Variants in FAM184B observed in about 807,000 individuals in gnomAD.
The protein encoded by FAM184B is protein FAM184B.
In FAM184B, 111 loss-of-function variants were observed where a neutral mutation model predicts 135.9. The observed-to-expected ratio is 0.82, with a 90% confidence interval of 0.70 to 0.96. The LOEUF is 0.96. Among genes scored for constraint, FAM184B ranks in the 40% least tolerant of loss-of-function variants. The probability of loss-of-function intolerance (pLI) is 0.00; values close to 1 mark genes in which losing one functional copy is unlikely to be tolerated. For synonymous variants in FAM184B, 552 were observed against 524.8 expected (o/e 1.05, Z -0.71); for missense variants, 1,375 against 1,323.9 (o/e 1.04, Z -0.60).
intron 1 of FAM184B, among the ~76,000 whole-genome samples, chr4:17,745,961 A>G (rs1718149763): frequency 6.6e-6 from 1 of 152,128 alleles, no homozygotes; most frequent in South Asian, 2.1e-4. Context: ...ACTACAAAGA[A>G]CTTTTTTTAA....
Position 17,636,529 on chromosome 4 carries a change from G to A in FAM184B, c.2783C>T (p.Thr928Met), listed in dbSNP as rs1208696381. ...KEREDIIKQL[T>M]EERRFHYAAF... ...TGAGGCGCCCCCTGACAGCCTCACCGTGAGCTGCTTGATGATGTCCTCTCT... is the reference window on the plus strand; with the variant it reads ...TGAGGCGCCCCCTGACAGCCTCACCATGAGCTGCTTGATGATGTCCTCTCT... The change falls in exon 15 of 18, where the codon ACG becomes ATG. Residue 928 changes from threonine (T) to methionine (M), a missense_variant and splice_region_variant. Physicochemically the swap from Thr to Met is moderately conservative, Grantham distance 81. Transcript: ENST00000265018. The A allele has an allele frequency of 9.7e-6, 15 of 1,549,888 alleles. No individual in the cohort carries two copies. The African/African-American group carries it at 1.4e-4, about 14-fold the overall frequency.
At position 17,641,991 on chromosome 4, in the gene FAM184B, G is replaced by A. The variant is rs998784036; in HGVS notation, c.2519+65C>T. ...CTCAGGCTCAGCCAGCCGCAGTAGG[G>A]GGAGGGGGGGTGGCGGGGTAGGGGG... On this transcript the variant is annotated intron_variant, in intron 13 of 17. Coordinates refer to ENST00000265018, the MANE Select transcript of FAM184B (RefSeq NM_015688.2). The A allele has an allele frequency of 2.1e-4, 307 of 1,472,770 alleles. 1 individual carries two copies. Among genetic ancestry groups the A allele is most frequent in the Admixed American group, 6.9e-5 (3 of 43,648 alleles). 91.2% of individuals were successfully genotyped at this position (1,472,770 alleles called of 1,614,324 possible).
At chr4:17,694,262 G>A (rs893840558) in intron 5 of FAM184B, among the ~76,000 whole-genome samples, 5 of 152,198 alleles carry the variant, frequency 3.3e-5, no homozygotes, top group Non-Finnish European at 5.9e-5. Context: ...GGTGGCTGAC[G>A]CCTGTAATCC....
At chr4:17,638,540 G>A (rs540189995) in intron 14 of FAM184B, among the ~76,000 whole-genome samples, 5 of 152,258 alleles carry the variant, frequency 3.3e-5, no homozygotes, top group African/African-American at 1.2e-4. Context: ...AGCAGAATTT[G>A]TGAGCCTATG....
At chr4:17,638,467 G>T (rs555676762) in intron 14 of FAM184B, among the ~76,000 whole-genome samples, 1 of 151,912 alleles carries the variant, frequency 6.6e-6, no homozygotes, top group Non-Finnish European at 1.5e-5. Context: ...CATGCAAAGT[G>T]CTAGGATTAC....
chr4:17,721,241 A>G (rs1365572490), intron 1 of FAM184B, among the ~76,000 whole-genome samples: 6 of 151,860 alleles, frequency 4.0e-5, no homozygotes, highest in Non-Finnish European at 1.5e-5. Context: ...AAAATTAGCC[A>G]GGCGTAGTGG....
chr4:17,759,052 C>T (rs554546997), intron 1 of FAM184B, among the ~76,000 whole-genome samples: 3 of 152,214 alleles, frequency 2.0e-5, no homozygotes, highest in South Asian at 4.2e-4. Flanking sequence ...GTTGGCTTGG[C>T]GATCCTGTCC....
intron 1 of FAM184B, among the ~76,000 whole-genome samples, chr4:17,776,594 G>T (rs1200042058): frequency 6.6e-6 from 1 of 152,164 alleles, no homozygotes; most frequent in Non-Finnish European, 1.5e-5. Flanking sequence ...GTTTCTCCAT[G>T]TTGGTCAGGC....
chr4:17,670,688 A>T (rs1716151602), intron 7 of FAM184B, among the ~76,000 whole-genome samples: 4 of 152,258 alleles, frequency 2.6e-5, no homozygotes, highest in Non-Finnish European at 5.9e-5. Flanking sequence ...ATATGGCTCT[A>T]TGAAGTAGCC....
chr4:17,687,460 G>C (rs1013220682), intron 7 of FAM184B, among the ~76,000 whole-genome samples: 1 of 152,178 alleles, frequency 6.6e-6, no homozygotes, highest in African/African-American at 2.4e-5. Flanking sequence ...TTCACTGAGT[G>C]CCTATCTTGT....
chr4:17,760,211 A>G (rs1470875885), intron 1 of FAM184B, among the ~76,000 whole-genome samples: 1 of 152,186 alleles, frequency 6.6e-6, no homozygotes, highest in Admixed American at 6.5e-5. Context: ...CACGCCTGTA[A>G]TCTCAGCACT....
intron 1 of FAM184B, among the ~76,000 whole-genome samples, chr4:17,751,867 A>ACACACACACACAC (rs1491120270): frequency 1.2e-3 from 184 of 149,418 alleles, no homozygotes; most frequent in Non-Finnish European, 1.7e-3. Context: ...ACACACACAC[A>ACACACACACACAC]AAAGAACCAG....
intron 1 of FAM184B, among the ~76,000 whole-genome samples, chr4:17,735,764 T>C (rs1278597268): frequency 1.3e-5 from 2 of 152,182 alleles, no homozygotes; most frequent in Non-Finnish European, 2.9e-5. Flanking sequence ...AGGAACGCCA[T>C]GCTCAATCAC....
At position 17,705,173 on chromosome 4, in the gene FAM184B, T is replaced by C; in HGVS notation, c.1204A>G (p.Met402Val). 6.4e-7 allele frequency: 1 copy of C among 1,551,880 alleles called. No homozygotes were observed. Among genetic ancestry groups the C allele is most frequent in the Non-Finnish European group, 8.7e-7 (1 of 1,147,030 alleles). ...KKEASAETEY[M>V]KQQYEEDLRK... The stretch of plus-strand genomic sequence containing the variant: ...AGGTCTTCTTCATATTGTTGCTTCA[T>C]ATATTCTGTCTCAGCACTTGCCTCT... Residue 402 changes from methionine (M) to valine (V), a missense_variant, in exon 5 of 18, where the codon ATG (methionine) becomes GTG (valine). Coordinates refer to ENST00000265018, the MANE Select transcript of FAM184B (RefSeq NM_015688.2).
Position 17,781,420 on chromosome 4 carries a change from G to T in FAM184B, c.-121C>A. ...TCGGGAGAGGTGGCACTGCAGTCCCGTCGCCTGCACCGCCGCGTGGCCCCA... is the reference window on the plus strand; with the variant it reads ...TCGGGAGAGGTGGCACTGCAGTCCCTTCGCCTGCACCGCCGCGTGGCCCCA... On this transcript the variant is annotated 5_prime_UTR_variant, in exon 1 of 18. Transcript: ENST00000265018. This position sits in a 1 kb window ranked among gnomAD's most constrained non-coding sequence, Gnocchi z 6.5. 1 of 1,225,594 alleles carries T rather than the reference G, an allele frequency of 8.2e-7. No individual in the cohort carries two copies. Among genetic ancestry groups the T allele is most frequent in the Non-Finnish European group, 1.1e-6 (1 of 939,262 alleles). 75.9% of individuals were successfully genotyped at this position (1,225,594 alleles called of 1,614,324 possible).
At chr4:17,713,687 G>T (rs1417312462) in intron 1 of FAM184B, among the ~76,000 whole-genome samples, 1 of 151,948 alleles carries the variant, frequency 6.6e-6, no homozygotes, top group Non-Finnish European at 1.5e-5. Context: ...CATATAAGAA[G>T]GTTTGAGTAA....
At chr4:17,635,422 C>CA (rs1715094319) in intron 15 of FAM184B, among the ~76,000 whole-genome samples, 1 of 152,140 alleles carries the variant, frequency 6.6e-6, no homozygotes, top group Non-Finnish European at 1.5e-5. Flanking sequence ...AGAAAACCCC[C>CA]AGGTATGCAA....
chr4:17,665,898 GC>G (rs139901488), intron 7 of FAM184B, among the ~76,000 whole-genome samples: 144 of 150,042 alleles, frequency 9.6e-4, no homozygotes, highest in African/African-American at 3.3e-3. Flanking sequence ...TCCTCCCCCC[GC>G]CCCCCAGTTG....
rs989102315 is a variant in FAM184B at position 17,658,407 on chromosome 4, C to T, written c.1980G>A (p.Glu660=). 2 of 1,551,648 alleles carry T rather than the reference C, an allele frequency of 1.3e-6. No individual in the cohort carries two copies. The highest frequency in any genetic ancestry group is 1.7e-6 in the Non-Finnish European group (2 of 1,147,004). Residue 660 remains glutamate (E), a synonymous_variant, in exon 10 of 18, where the codon GAG becomes GAA. Coordinates refer to ENST00000265018, the MANE Select transcript of FAM184B (RefSeq NM_015688.2). ...QQNHAMKAQL[E]ASHQRALRML... is the part of the protein sequence containing the mutation. ...TGCGCAGGGCTCTCTGGTGGGAAGC[C>T]TCGAGCTGGGCTTTCATGGCGTGGT...
Sources: allele counts gnomAD v4.1 joint callset (sites outside exome capture counted in the v4.1 genomes callset), GRCh38; gene constraint gnomAD v4.1.1; non-coding constraint Gnocchi (gnomAD v3.1); transcripts MANE v1.5; gene names NCBI Gene and HGNC (gene_info 2026-07-23, HGNC 2026-07-21).